Variants in GAP43 observed in about 807,000 individuals in gnomAD.
The protein encoded by GAP43 is neuromodulin.
GAP43 carries 6 observed loss-of-function variants against 18.6 expected under a neutral mutation model. The ratio of observed to expected loss-of-function variants is 0.32; its 90% CI spans 0.18 to 0.64. The LOEUF is 0.64. Among genes scored for constraint, GAP43 ranks in the 30% least tolerant of loss-of-function variants. GAP43 has a pLI of 0.78. For missense variants in GAP43, 292 were observed against 295.5 expected (o/e 0.99, Z 0.09); for synonymous variants, 115 against 111.4 (o/e 1.03, Z -0.20).
At chr3:115,698,726 G>A (rs1576998972) in intron 2 of GAP43, among the ~76,000 whole-genome samples, 1 of 152,014 alleles carries the variant, frequency 6.6e-6, no homozygotes, top group African/African-American at 2.4e-5. Context: ...AAGGGACCAG[G>A]GTGACAGCAA....
chr3:115,698,069 TATATAA>T (rs1709225819), intron 2 of GAP43, among the ~76,000 whole-genome samples: 1 of 61,698 alleles, frequency 1.6e-5, no homozygotes, highest in African/African-American at 7.0e-5. Flanking sequence ...ATATATATTA[TATATAA>T]TATATAAAAT....
chr3:115,692,915 C>A (rs535143673), intron 2 of GAP43, among the ~76,000 whole-genome samples: 1 of 152,062 alleles, frequency 6.6e-6, no homozygotes, highest in South Asian at 2.1e-4. Context: ...ATTCGAAGGA[C>A]CAAAAAATCA....
chr3:115,702,750 G>A (rs1709311839), intron 2 of GAP43, among the ~76,000 whole-genome samples: 1 of 152,038 alleles, frequency 6.6e-6, no homozygotes, highest in South Asian at 2.1e-4. Context: ...CCTTTCAAAG[G>A]AAAAAATTCT....
At chr3:115,651,687 G>A (rs112525536) in intron 1 of GAP43, among the ~76,000 whole-genome samples, 1 of 151,748 alleles carries the variant, frequency 6.6e-6, no homozygotes, top group African/African-American at 2.4e-5. Context: ...TTTTTATCTG[G>A]CCCGTGCTTT....
At chr3:115,625,555 A>G (rs910821731) in intron 1 of GAP43, among the ~76,000 whole-genome samples, 1 of 152,184 alleles carries the variant, frequency 6.6e-6, no homozygotes, top group African/African-American at 2.4e-5. Context: ...AAAAGCTTTA[A>G]TTTTGGAAAG....
At chr3:115,675,904 C>T (rs1222519289) in intron 1 of GAP43, 109 bp from the exon 2 acceptor site, 19 of 1,448,280 alleles carry the variant, frequency 1.3e-5, no homozygotes, top group Non-Finnish European at 1.7e-5. Flanking sequence ...ACTCCAAAAA[C>T]AGTGCCTGGC....
chr3:115,701,506 C>T (rs1709296694), intron 2 of GAP43, among the ~76,000 whole-genome samples: 1 of 151,986 alleles, frequency 6.6e-6, no homozygotes, highest in Non-Finnish European at 1.5e-5. Context: ...GCTTGGTTTA[C>T]ATTACCTACA....
At chr3:115,624,005 T>C (rs1029485541) in intron 1 of GAP43, among the ~76,000 whole-genome samples, 3 of 152,072 alleles carry the variant, frequency 2.0e-5, no homozygotes, top group Admixed American at 6.5e-5. Flanking sequence ...ATTTGAGGTC[T>C]CTGGTCTTGA....
chr3:115,666,160 G>A (rs1037813950), intron 1 of GAP43, among the ~76,000 whole-genome samples: 1 of 151,944 alleles, frequency 6.6e-6, no homozygotes, highest in African/African-American at 2.4e-5. Flanking sequence ...AGAAGACTGA[G>A]AAGGAATCAG....
chr3:115,627,361 G>A (rs1363066120), intron 1 of GAP43, among the ~76,000 whole-genome samples: 1 of 150,686 alleles, frequency 6.6e-6, no homozygotes, highest in Admixed American at 6.6e-5. Flanking sequence ...AGAAAATGCA[G>A]AGTTAATTTT....
chr3:115,666,732 T>C (rs1182259598), intron 1 of GAP43, among the ~76,000 whole-genome samples: 1 of 152,164 alleles, frequency 6.6e-6, no homozygotes, highest in Non-Finnish European at 1.5e-5. Context: ...AACTTACACA[T>C]GTCTAACTCC....
At chr3:115,685,704 C>A (rs1709023374) in intron 2 of GAP43, among the ~76,000 whole-genome samples, 1 of 152,162 alleles carries the variant, frequency 6.6e-6, no homozygotes, top group South Asian at 2.1e-4. Flanking sequence ...AAATTCTATT[C>A]CAGTTTAAAG....
At chr3:115,666,032 G>GT (rs1296744042) in intron 1 of GAP43, among the ~76,000 whole-genome samples, 16 of 150,330 alleles carry the variant, frequency 1.1e-4, no homozygotes, top group Non-Finnish European at 1.9e-4. Flanking sequence ...GTGTGTGTGT[G>GT]GTTGGGGGAT....
chr3:115,688,691 C>A (rs1192064328), intron 2 of GAP43, among the ~76,000 whole-genome samples: 3 of 152,140 alleles, frequency 2.0e-5, no homozygotes, highest in Non-Finnish European at 4.4e-5. Context: ...ATCCTAAATG[C>A]CTCTTCAGTG....
intron 1 of GAP43, among the ~76,000 whole-genome samples, chr3:115,662,978 C>G (rs188320116): frequency 3.9e-5 from 6 of 152,158 alleles, no homozygotes; most frequent in African/African-American, 1.4e-4. Flanking sequence ...GCCTGGTTTC[C>G]AAACTAAATA....
intron 2 of GAP43, among the ~76,000 whole-genome samples, chr3:115,678,883 G>T (rs752807572): frequency 6.7e-6 from 1 of 150,188 alleles, no homozygotes; most frequent in African/African-American, 2.5e-5. Context: ...TTTCTTTCTG[G>T]GTTGAGGTAT....
chr3:115,683,243 C>T (rs1189279431), intron 2 of GAP43, among the ~76,000 whole-genome samples: 1 of 151,074 alleles, frequency 6.6e-6, no homozygotes, highest in Non-Finnish European at 1.5e-5. Context: ...GGACATATGG[C>T]TTCTTAGCCA....
At chr3:115,713,048 A>G (rs1709460976) in intron 2 of GAP43, among the ~76,000 whole-genome samples, 1 of 152,182 alleles carries the variant, frequency 6.6e-6, no homozygotes, top group Admixed American at 6.5e-5. Context: ...AACGAGCAAA[A>G]TGTGGATCAC....
intron 1 of GAP43, among the ~76,000 whole-genome samples, chr3:115,661,601 G>C (rs1708659859): frequency 6.6e-6 from 1 of 152,092 alleles, no homozygotes. Flanking sequence ...CCGTTCTCCT[G>C]TCTCAGCCTC....
Sources: allele counts gnomAD v4.1 joint callset (sites outside exome capture counted in the v4.1 genomes callset), GRCh38; gene constraint gnomAD v4.1.1; transcripts MANE v1.5; gene names NCBI Gene and HGNC (gene_info 2026-07-23, HGNC 2026-07-21).